The following PURG variants were observed in gnomAD, a reference collection of about 807,000 sequenced individuals.
PURG encodes purine-rich element-binding protein gamma.
A neutral mutation model predicts 24.3 loss-of-function variants in PURG; 3 were observed. The observed-to-expected ratio is 0.12, with a 90% CI of 0.06 to 0.32. The LOEUF is 0.32. Ranked by LOEUF, PURG falls within the 10% of genes least tolerant of loss-of-function variation. The pLI is 1.00. For synonymous variants in PURG, 180 were observed against 173.1 expected, an observed-to-expected ratio of 1.04 and a Z score of -0.31; for missense variants, 371 against 439.1, an observed-to-expected ratio of 0.84 and a Z score of 1.39.
At chr8:31,012,395 A>G (rs1810779804) in intron 1 of PURG, among the ~76,000 whole-genome samples, 1 of 152,196 alleles carries the variant, frequency 6.6e-6, no homozygotes, top group Non-Finnish European at 1.5e-5. Context: ...GATAATTTAT[A>G]TGTAAAATTA....
chr8:31,019,490 C>T (rs753952050), intron 1 of PURG, among the ~76,000 whole-genome samples: 73 of 150,930 alleles, frequency 4.8e-4, no homozygotes, highest in East Asian at 3.4e-3. Flanking sequence ...CCTGCCAACA[C>T]GCCTGGCTAA....
At chr8:31,023,293 T>C (rs1811031321) in intron 1 of PURG, among the ~76,000 whole-genome samples, 1 of 152,236 alleles carries the variant, frequency 6.6e-6, no homozygotes, top group African/African-American at 2.4e-5. Flanking sequence ...CGTAATGGAA[T>C]TTATGTGCAC....
chr8:31,024,350 G>C (rs987378886), intron 1 of PURG, among the ~76,000 whole-genome samples: 2 of 152,040 alleles, frequency 1.3e-5, no homozygotes, highest in Non-Finnish European at 2.9e-5. Flanking sequence ...TAGAGTAGGA[G>C]GGAACCTTAG....
At chr8:31,007,680 TACC>T (rs1810680172) in intron 1 of PURG, among the ~76,000 whole-genome samples, 2 of 152,160 alleles carry the variant, frequency 1.3e-5, no homozygotes, top group Non-Finnish European at 2.9e-5. Context: ...GGTGTCATAT[TACC>T]CCCAAAGACA....
rs541642962 is a variant in PURG, at chr8:31,009,956, G to T, written c.865-13259C>A. The stretch of plus-strand genomic sequence containing the variant: ...CACAAAAAATAGGAAAAATAGCTGG[G>T]CATGGTGGTGCATGCCTGTAGTACC... On this transcript the variant is annotated intron_variant, in intron 1 of 1. Transcript: ENST00000339382. Among the ~76,000 whole-genome samples the T allele has an allele frequency of 1.2e-4, 19 of 152,236 alleles. No individual in the cohort carries two copies. The East Asian group carries it at 3.7e-3, about 29-fold the overall frequency.
In PURG at chr8:31,032,587, C is replaced by G; in HGVS notation, c.196G>C (p.Asp66His). Residue 66 changes from aspartate to histidine, a missense_variant, in exon 2 of 2, where the codon GAC becomes CAC. By Grantham distance (81) the Asp-to-His change is moderately conservative (BLOSUM62 -1). Coordinates refer to ENST00000523392, the MANE Select transcript of PURG (RefSeq NM_001323311.2). This position sits in a 1 kb window ranked among gnomAD's most constrained non-coding sequence, Gnocchi z 5.9. Reference sequence around the variant, plus strand: ...AGGTAAAACCTCTTTTTCTGGATGTCCACTCGTTTGGAGGCCAGCTCCTGG... The same window carrying G: ...AGGTAAAACCTCTTTTTCTGGATGTGCACTCGTTTGGAGGCCAGCTCCTGG... ...EIQELASKRV[D>H]IQKKRFYLDV... 6.2e-7 allele frequency: 1 copy of G among 1,611,630 alleles called. No individual in the cohort carries two copies. Among genetic ancestry groups the G allele is most frequent in the Non-Finnish European group, 8.5e-7 (1 of 1,178,162 alleles).
intron 1 of PURG, among the ~76,000 whole-genome samples, chr8:31,019,647 CT>C (rs1240176776): frequency 1.9e-4 from 27 of 144,664 alleles, no homozygotes; most frequent in East Asian, 2.0e-4. Flanking sequence ...TCTCTTTTTT[CT>C]TTTTTTTTTG....
At position 31,006,714 on chromosome 8, in the gene PURG, G is replaced by A. The variant is rs1489302644; in HGVS notation, c.865-10017C>T. Among the ~76,000 whole-genome samples, 3 of 152,072 alleles carry A rather than the reference G, an allele frequency of 2.0e-5. No individual in the cohort carries two copies. In the East Asian group the frequency reaches 5.8e-4, roughly 29 times the overall value. ...TTATCATCTCCACCTTAGGTTAGAG[G>A]GGAAAAATAAAAATAGTGAGCAATT... On this transcript the variant is annotated intron_variant, in intron 1 of 1. Transcript: ENST00000339382.
intron 1 of PURG, among the ~76,000 whole-genome samples, chr8:31,019,197 C>G (rs1471180855): frequency 9.6e-6 from 1 of 104,402 alleles, no homozygotes; most frequent in African/African-American, 4.1e-5. Flanking sequence ...ATATATATGG[C>G]TTTAATTTTG....
intron 1 of PURG, among the ~76,000 whole-genome samples, chr8:31,016,623 T>C (rs1585361251): frequency 8.3e-6 from 1 of 120,230 alleles, no homozygotes; most frequent in East Asian, 2.8e-4. Flanking sequence ...AGAACGCAAG[T>C]CCACAGTCTA....
Position 31,032,416 on chromosome 8 carries a change from T to G in PURG, c.367A>C (p.Ile123Leu), listed in dbSNP as rs1811244570. The change falls in exon 2 of 2, where the codon ATC becomes CTC. Residue 123 changes from isoleucine (I) to leucine (L), a missense_variant. Transcript: ENST00000523392. This position sits in a 1 kb window ranked among gnomAD's most constrained non-coding sequence, Gnocchi z 5.9. ...AGGCCCAGGTGGGCATAGTGCTCGA[T>G]GAAGTCCCCTAGACAGTCCTTCAGC... ...AELKDCLGDF[I>L]EHYAHLGLKG... is the part of the protein sequence containing the mutation. The G allele has an allele frequency of 6.2e-7, 1 of 1,613,952 alleles. No homozygotes were observed. Among genetic ancestry groups the G allele is most frequent in the Non-Finnish European group, 8.5e-7 (1 of 1,180,038 alleles).
chr8:31,018,285 G>T (rs974210791), intron 1 of PURG, among the ~76,000 whole-genome samples: 1 of 152,168 alleles, frequency 6.6e-6, no homozygotes, highest in Admixed American at 6.5e-5. Flanking sequence ...AAGGCCTGAA[G>T]GCAAAAGTTC....
chr8:30,996,703 GA>G, intron 1 of PURG: 6 of 1,593,936 alleles, frequency 3.8e-6, no homozygotes, highest in Non-Finnish European at 5.2e-6. Context: ...GTGAGCTAAA[GA>G]AAAAATATTA....
intron 1 of PURG, among the ~76,000 whole-genome samples, chr8:31,016,372 T>C (rs920633726): frequency 6.6e-5 from 10 of 151,368 alleles, no homozygotes; most frequent in Admixed American, 6.6e-4. Context: ...AGAGTGAGAC[T>C]CTGTCTCAAA....
intron 1 of PURG, among the ~76,000 whole-genome samples, chr8:31,013,692 G>A (rs755738893): frequency 2.0e-5 from 3 of 152,152 alleles, no homozygotes; most frequent in African/African-American, 4.8e-5. Flanking sequence ...AGCCGAGGTC[G>A]CGCCACTGCA....
At chr8:31,033,032 C>A in intron 1 of PURG, 46 bp downstream of exon 1, 1 of 186,232 alleles carries the variant, frequency 5.4e-6, no homozygotes. Flanking sequence ...CGCCGCCGCC[C>A]GTCCCGCGCT....
intron 1 of PURG, among the ~76,000 whole-genome samples, chr8:31,015,747 C>T (rs1168242424): frequency 6.6e-6 from 1 of 152,160 alleles, no homozygotes; most frequent in Non-Finnish European, 1.5e-5. Flanking sequence ...CATTTAGCCT[C>T]TCTGTGTTTA....
chr8:31,016,054 AAAAC>A (rs150945108), intron 1 of PURG, among the ~76,000 whole-genome samples: 4,377 of 152,072 alleles, frequency 0.029, 99 homozygotes, highest in Non-Finnish European at 0.045. Context: ...CCCTGTCTCA[AAAAC>A]AAACAAACAA....
Position 31,000,291 on chromosome 8 carries a change from T to C in PURG, c.865-3594A>G, listed in dbSNP as rs189525564. 7.9e-5 allele frequency among the ~76,000 whole-genome samples: 12 copies of C among 152,210 alleles called. No homozygotes were observed. The East Asian group carries it at 2.3e-3, about 29-fold the overall frequency. ...AACATGTGGAACAAATAAAATAATA[T>C]GCAACTCTGTGGAGGTTCTCCATCA... On this transcript the variant is annotated intron_variant, in intron 1 of 1. Transcript: ENST00000339382.
Sources: allele counts gnomAD v4.1 joint callset (sites outside exome capture counted in the v4.1 genomes callset), GRCh38; gene constraint gnomAD v4.1.1; non-coding constraint Gnocchi (gnomAD v3.1); transcripts MANE v1.5; gene names NCBI Gene and HGNC (gene_info 2026-07-23, HGNC 2026-07-21).